The following ELP4 variants were observed in gnomAD, a reference collection of about 807,000 sequenced individuals.
ELP4 encodes elongator acetyltransferase complex subunit 4.
Under a neutral mutation model 48.9 loss-of-function variants are expected in ELP4, and 51 were observed. The observed-to-expected ratio is 1.04, with a 90% CI of 0.83 to 1.32. ELP4 has a LOEUF of 1.32. Among genes scored for constraint, ELP4 ranks in the 40% most tolerant of loss-of-function variants. The pLI, the probability that ELP4 is intolerant of heterozygous loss-of-function variation, is 0.00. For synonymous variants in ELP4, 210 were observed against 189.2 expected (o/e 1.11, Z -0.90); for missense variants, 519 against 514.6 (o/e 1.01, Z -0.08).
intron 9 of ELP4, chr11:31,779,631 A>G (rs1028119323): frequency 2.0e-5 from 3 of 152,224 alleles, no homozygotes; most frequent in Admixed American, 1.3e-4. Flanking sequence ...TGGGCTTCCC[A>G]TGGGCCTAAG....
At position 31,789,683 on chromosome 11, in the gene ELP4, C is replaced by T. The variant is rs1949127008; in HGVS notation, c.*6159C>T. The stretch of plus-strand genomic sequence containing the variant: ...TACAAATGCCCATTTACAAATAATA[C>T]ACCAAAATGAATAAAAGTTTGGATA... On this transcript the variant is annotated 3_prime_UTR_variant, in exon 10 of 10. Transcript: ENST00000640961. The T allele has an allele frequency of 1.4e-6, 1 of 701,910 alleles. No individual in the cohort carries two copies. Among genetic ancestry groups the T allele is most frequent in the African/African-American group, 1.8e-5 (1 of 56,978 alleles). The allele number at this position is 701,910 out of a possible 1,614,324, so 43.5% of individuals were successfully genotyped here.
intron 9 of ELP4, among the ~76,000 whole-genome samples, chr11:31,679,384 CA>C (rs1296574187): frequency 2.6e-5 from 4 of 152,144 alleles, no homozygotes; most frequent in South Asian, 2.1e-4. Context: ...CTGACTTAAA[CA>C]ATAGAAATTT....
chr11:31,702,218 A>G (rs2134158278), intron 9 of ELP4, among the ~76,000 whole-genome samples: 1 of 152,210 alleles, frequency 6.6e-6, no homozygotes, highest in East Asian at 1.9e-4. Flanking sequence ...CAGGAGGATC[A>G]CTTGAACCCA....
chr11:31,517,062 A>G (rs1304017502), intron 1 of ELP4, among the ~76,000 whole-genome samples: 6 of 152,200 alleles, frequency 3.9e-5, no homozygotes, highest in African/African-American at 1.4e-4. Context: ...CCTCACTGTA[A>G]ATCGCTTAGC....
chr11:31,706,547 A>C (rs775303889), intron 9 of ELP4, among the ~76,000 whole-genome samples: 2 of 147,922 alleles, frequency 1.4e-5, no homozygotes, highest in African/African-American at 4.9e-5. Context: ...TTATATATTT[A>C]ATTTAATATA....
intron 3 of ELP4, among the ~76,000 whole-genome samples, chr11:31,551,288 C>T (rs1956846710): frequency 6.6e-6 from 1 of 152,160 alleles, no homozygotes; most frequent in South Asian, 2.1e-4. Flanking sequence ...TCTGCAGCTG[C>T]AGCCTTCATC....
At chr11:31,544,494 C>T (rs1006861681) in intron 3 of ELP4, among the ~76,000 whole-genome samples, 6 of 152,196 alleles carry the variant, frequency 3.9e-5, no homozygotes, top group African/African-American at 7.2e-5. Flanking sequence ...ACAAAGCAGC[C>T]GGAAAGCTCC....
At chr11:31,678,673 G>A (rs1945989954) in intron 9 of ELP4, among the ~76,000 whole-genome samples, 1 of 151,978 alleles carries the variant, frequency 6.6e-6, no homozygotes, top group African/African-American at 2.4e-5. Context: ...GAACATCTTG[G>A]TTGCTTCCAA....
chr11:31,707,305 A>G (rs1247315128), intron 9 of ELP4: 1 of 289,706 alleles, frequency 3.5e-6, no homozygotes, highest in Admixed American at 5.1e-5. Context: ...TTGATGTTCA[A>G]CTGAAAATAT....
intron 3 of ELP4, among the ~76,000 whole-genome samples, chr11:31,553,786 A>G (rs746491513): frequency 2.0e-5 from 3 of 150,434 alleles, no homozygotes; most frequent in African/African-American, 7.4e-5. Flanking sequence ...CAGTTTCTCT[A>G]GAGAGCCTTA....
chr11:31,584,927 A>C (rs1957449532), intron 3 of ELP4, among the ~76,000 whole-genome samples: 1 of 152,194 alleles, frequency 6.6e-6, no homozygotes. Context: ...ATGTCCAGTT[A>C]GTTCCCTTAT....
intron 3 of ELP4, among the ~76,000 whole-genome samples, chr11:31,548,994 A>G (rs1343202042): frequency 6.6e-6 from 1 of 152,148 alleles, no homozygotes; most frequent in Admixed American, 6.6e-5. Flanking sequence ...TTCAAGATGG[A>G]TTAAAGACTT....
At chr11:31,683,194 A>C (rs576192650) in intron 9 of ELP4, among the ~76,000 whole-genome samples, 1 of 152,282 alleles carries the variant, frequency 6.6e-6, no homozygotes, top group Non-Finnish European at 1.5e-5. Context: ...TTACACACAA[A>C]TGTGTAGTTT....
At chr11:31,639,192 T>G (rs1157383080) in intron 7 of ELP4, among the ~76,000 whole-genome samples, 1 of 151,862 alleles carries the variant, frequency 6.6e-6, no homozygotes, top group Non-Finnish European at 1.5e-5. Flanking sequence ...TAACTGAGAA[T>G]CTGCCTTTAA....
In ELP4 at chr11:31,538,854, C is replaced by T. The variant is rs1280346232; in HGVS notation, c.260-808C>T. Among the ~76,000 whole-genome samples, 6 of 152,168 alleles carry T rather than the reference C, an allele frequency of 3.9e-5. No individual in the cohort carries two copies. The East Asian group carries it at 1.2e-3, about 29-fold the overall frequency. ...TCATAAAATGAGTTTAGAAGTGTTT[C>T]ATCCTTTCCTCTTTTCTGAAAAGAG... On this transcript the variant is annotated intron_variant, in intron 2 of 9. Transcript: ENST00000640961.
intron 3 of ELP4, among the ~76,000 whole-genome samples, chr11:31,547,227 A>G (rs1956744702): frequency 6.6e-6 from 1 of 152,198 alleles, no homozygotes; most frequent in Non-Finnish European, 1.5e-5. Flanking sequence ...AACAAAATTG[A>G]TAGACTGCTA....
intron 9 of ELP4, among the ~76,000 whole-genome samples, chr11:31,756,375 CTG>C (rs1947831868): frequency 6.6e-6 from 1 of 152,216 alleles, no homozygotes; most frequent in African/African-American, 2.4e-5. Context: ...TTTACTATTT[CTG>C]GCACAAACCA....
intron 3 of ELP4, 141 bp downstream of exon 3, chr11:31,539,924 C>T: frequency 1.6e-6 from 1 of 633,700 alleles, no homozygotes; most frequent in Non-Finnish European, 2.3e-6. Flanking sequence ...TTTAAAATCT[C>T]AGTAAAAAGT....
chr11:31,520,005 A>C (rs1199375139), intron 1 of ELP4, 51 bp from the exon 2 acceptor site: 1 of 1,585,456 alleles, frequency 6.3e-7, no homozygotes, highest in Non-Finnish European at 8.6e-7. Context: ...TTTATGCTAA[A>C]GGTAATGGAA....
Sources: gnomAD v4.1 joint callset for allele counts (sites outside exome capture counted in the v4.1 genomes callset) on GRCh38, gnomAD v4.1.1 for gene constraint, MANE v1.5 for transcripts, NCBI Gene and HGNC (gene_info 2026-07-23, HGNC 2026-07-21) for gene names.